Variants in KIT observed in about 807,000 individuals in gnomAD.
The protein encoded by KIT is KIT proto-oncogene, receptor tyrosine kinase.
KIT carries 16 observed loss-of-function variants against 105.7 expected under a neutral mutation model. That is an observed-to-expected ratio of 0.15 (90% CI 0.10 to 0.23). The LOEUF (loss-of-function observed/expected upper bound fraction) is 0.23. Among genes scored for constraint, KIT ranks in the 10% least tolerant of loss-of-function variants. The pLI is 1.00. For missense variants in KIT, 858 were observed against 1,213.8 expected (o/e 0.71, Z 4.36); for synonymous variants, 438 against 441.1 (o/e 0.99, Z 0.09).
At chr4:54,705,500 A>G (rs1720728281) in intron 5 of KIT, among the ~76,000 whole-genome samples, 1 of 152,198 alleles carries the variant, frequency 6.6e-6, no homozygotes, top group Admixed American at 6.5e-5. Context: ...ATAGATAGTA[A>G]GAATATTACT....
intron 7 of KIT, among the ~76,000 whole-genome samples, chr4:54,716,526 T>A (rs954100213): frequency 9.9e-5 from 15 of 152,152 alleles, no homozygotes; most frequent in Middle Eastern, 3.2e-3. Flanking sequence ...AATTTTTTTT[T>A]AAATAAAAAT....
intron 7 of KIT, among the ~76,000 whole-genome samples, chr4:54,720,835 G>A (rs972727003): frequency 2.6e-5 from 4 of 152,130 alleles, no homozygotes; most frequent in African/African-American, 9.7e-5. Context: ...CCATCTTTGT[G>A]TAGACTGGTC....
intron 4 of KIT, among the ~76,000 whole-genome samples, chr4:54,702,351 TTAAC>T (rs1360309080): frequency 6.6e-6 from 1 of 152,144 alleles, no homozygotes; most frequent in African/African-American, 2.4e-5. Flanking sequence ...CATAATGTAA[TTAAC>T]ATAAAAATTA....
rs1723043935 is a variant in KIT, at chr4:54,738,336, C to T, written c.2803-93C>T. 40 of 1,446,814 alleles carry T rather than the reference C, an allele frequency of 2.8e-5. No homozygotes were observed. In the South Asian group the frequency reaches 4.6e-4, roughly 17 times the overall value. 89.6% of individuals were successfully genotyped at this position (1,446,814 alleles called of 1,614,324 possible). On this transcript the variant is annotated intron_variant, in intron 20 of 20. Coordinates refer to ENST00000288135, the MANE Select transcript of KIT (RefSeq NM_000222.3). The stretch of plus-strand genomic sequence containing the variant: ...CCACTTCTCTCTTAAGAGTTTCCAT[C>T]AGTTAGTTGTGATCTTGACACTGTA...
rs770927384 is a variant in KIT at position 54,691,648 on chromosome 4, T to TGCC, written c.68-3863_68-3861dup. On this transcript the variant is annotated intron_variant, in intron 1 of 20. Coordinates refer to ENST00000288135, the MANE Select transcript of KIT (RefSeq NM_000222.3). Reference sequence around the variant, plus strand: ...AAGAGCTGCTACTGTTAGCTGCTGCTGCCTCTGTTGTGGTTTTGAGGCTGG... The same window carrying TGCC: ...AAGAGCTGCTACTGTTAGCTGCTGCTGCCGCCTCTGTTGTGGTTTTGAGGCTGG... 2.1e-4 allele frequency among the ~76,000 whole-genome samples: 32 copies of TGCC among 152,164 alleles called. 1 individual carries two copies. Among genetic ancestry groups the TGCC allele is most frequent in the Non-Finnish European group, 3.5e-4 (24 of 68,032 alleles).
At chr4:54,712,713 A>G (rs1035685399) in intron 7 of KIT, among the ~76,000 whole-genome samples, 1 of 152,204 alleles carries the variant, frequency 6.6e-6, no homozygotes, top group Non-Finnish European at 1.5e-5. Context: ...TTAGCCTTCC[A>G]AAAGGATATC....
intron 15 of KIT, 121 bp downstream of exon 15, chr4:54,731,540 G>A: frequency 8.7e-6 from 7 of 808,024 alleles, no homozygotes; most frequent in Non-Finnish European, 1.5e-5. Context: ...CTTTATGGTA[G>A]CAGTGCCAAT....
chr4:54,667,038 A>T (rs1419760904), intron 1 of KIT, among the ~76,000 whole-genome samples: 2 of 152,268 alleles, frequency 1.3e-5, no homozygotes, highest in Admixed American at 1.3e-4. Flanking sequence ...GTCTAGAGAA[A>T]TCCATAATCT....
chr4:54,732,287 T>A (rs1238199906), intron 16 of KIT, among the ~76,000 whole-genome samples: 1 of 152,116 alleles, frequency 6.6e-6, no homozygotes, highest in Non-Finnish European at 1.5e-5. Context: ...ACTTTTGGCT[T>A]TTAGGATATA....
chr4:54,689,825 A>G (rs1488258835), intron 1 of KIT, among the ~76,000 whole-genome samples: 1 of 152,138 alleles, frequency 6.6e-6, no homozygotes, highest in African/African-American at 2.4e-5. Context: ...GAACTTCTTC[A>G]TATCCCAAAC....
intron 1 of KIT, among the ~76,000 whole-genome samples, chr4:54,665,770 C>T (rs1022749379): frequency 6.6e-6 from 1 of 152,114 alleles, no homozygotes; most frequent in Admixed American, 6.6e-5. Context: ...TCTTGAAACT[C>T]AATTTCACAG....
intron 7 of KIT, among the ~76,000 whole-genome samples, chr4:54,721,606 G>T (rs1267259695): frequency 6.6e-6 from 1 of 151,128 alleles, no homozygotes; most frequent in Admixed American, 6.6e-5. Context: ...TTGAGTGACA[G>T]GTGGGTGTGT....
intron 1 of KIT, among the ~76,000 whole-genome samples, chr4:54,664,904 A>G (rs1248446634): frequency 6.7e-6 from 1 of 148,746 alleles, no homozygotes; most frequent in Non-Finnish European, 1.5e-5. Context: ...TTTTTTTTTT[A>G]ATAGTAAAAC....
intron 1 of KIT, among the ~76,000 whole-genome samples, chr4:54,670,165 T>G (rs948859278): frequency 2.6e-5 from 4 of 152,184 alleles, no homozygotes; most frequent in Non-Finnish European, 5.9e-5. Flanking sequence ...AGTCTGCAGG[T>G]TTGGAACTGT....
intron 1 of KIT, among the ~76,000 whole-genome samples, chr4:54,687,430 G>A (rs982170526): frequency 6.6e-6 from 1 of 151,588 alleles, no homozygotes; most frequent in African/African-American, 2.4e-5. Flanking sequence ...GACAGAGCAA[G>A]ACCCCATCTC....
intron 7 of KIT, among the ~76,000 whole-genome samples, chr4:54,717,072 G>A (rs1721547605): frequency 6.6e-6 from 1 of 152,076 alleles, no homozygotes; most frequent in African/African-American, 2.4e-5. Context: ...ATGAGTTTTT[G>A]TTCTCAAATT....
chr4:54,714,151 C>CGAAAATGGT (rs1360135337), intron 7 of KIT, among the ~76,000 whole-genome samples: 1 of 152,028 alleles, frequency 6.6e-6, no homozygotes, highest in Non-Finnish European at 1.5e-5. Flanking sequence ...TATCCTTCAG[C>CGAAAATGGT]GAAAATGGTG....
Position 54,739,156 on chromosome 4 carries a change from A to G in KIT, c.*599A>G. On this transcript the variant is annotated 3_prime_UTR_variant, in exon 21 of 21. Transcript: ENST00000288135. ...CACTGCATGAGCTTTTATACTACCGACCTGGTTTTTAAATAGAGTTTGCTA... is the reference window on the plus strand; with the variant it reads ...CACTGCATGAGCTTTTATACTACCGGCCTGGTTTTTAAATAGAGTTTGCTA... The G allele has an allele frequency of 3.0e-6, 1 of 330,174 alleles. No homozygotes were observed. Among genetic ancestry groups the G allele is most frequent in the African/African-American group, 2.1e-5 (1 of 47,532 alleles). The allele number at this position is 330,174 out of a possible 1,614,324, so 20.5% of individuals were successfully genotyped here.
intron 1 of KIT, among the ~76,000 whole-genome samples, chr4:54,666,127 T>C (rs1717670405): frequency 1.3e-5 from 2 of 152,186 alleles, no homozygotes; most frequent in Admixed American, 1.3e-4. Context: ...AAATTGGATT[T>C]ATTAAGCCTG....
Sources: gnomAD v4.1 joint callset for allele counts (sites outside exome capture counted in the v4.1 genomes callset) on GRCh38, gnomAD v4.1.1 for gene constraint, MANE v1.5 for transcripts, NCBI Gene and HGNC (gene_info 2026-07-23, HGNC 2026-07-21) for gene names.